CAB39: variants seen among roughly 807,000 people sequenced by gnomAD.
CAB39 encodes calcium binding protein 39.
In CAB39, 8 loss-of-function variants were observed where a neutral mutation model predicts 40.0. The ratio of observed to expected loss-of-function variants is 0.20; its 90% CI spans 0.12 to 0.36. The LOEUF is 0.36. Among genes scored for constraint, CAB39 ranks in the 10% least tolerant of loss-of-function variants. The pLI is 1.00. For synonymous variants in CAB39, 156 were observed against 141.6 expected (o/e 1.10, Z -0.72); for missense variants, 270 against 401.1 (o/e 0.67, Z 2.79).
chr2:230,797,996 G>T (rs1696019646), intron 4 of CAB39, among the ~76,000 whole-genome samples: 1 of 152,180 alleles, frequency 6.6e-6, no homozygotes, highest in South Asian at 2.1e-4. Flanking sequence ...GAAGAGTCCA[G>T]TCAGAGGGCT....
At chr2:230,816,772 C>T (rs914119324) in intron 7 of CAB39, among the ~76,000 whole-genome samples, 2 of 152,182 alleles carry the variant, frequency 1.3e-5, no homozygotes, top group Non-Finnish European at 2.9e-5. Flanking sequence ...GAGAGAGAGG[C>T]ACTGTTCCAT....
In CAB39 at chr2:230,813,899, C is replaced by T. The variant is rs564366529; in HGVS notation, c.628-150C>T. The stretch of plus-strand genomic sequence containing the variant: ...CAGAGGAAGACATGAAAGAGAGTGG[C>T]AGGGGAGCCAGGGCAGCTGTTGGCC... On this transcript the variant is annotated intron_variant, in intron 6 of 8. Transcript: ENST00000258418. 98 of 532,470 alleles carry T rather than the reference C, an allele frequency of 1.8e-4. No homozygotes were observed. The African/African-American group carries it at 1.9e-3, about 10-fold the overall frequency. 33.0% of individuals were successfully genotyped at this position (532,470 alleles called of 1,614,324 possible). A position where few individuals can be genotyped will look rare whatever the true frequency, so the allele number is the denominator to read the frequency against.
chr2:230,750,816 C>T (rs1457299347), intron 1 of CAB39, among the ~76,000 whole-genome samples: 1 of 152,008 alleles, frequency 6.6e-6, no homozygotes, highest in East Asian at 1.9e-4. Flanking sequence ...ATTCTTATAC[C>T]ATATCGTGAA....
rs186512004 is a variant in CAB39 at position 230,800,634 on chromosome 2, G to A, written c.567+1737G>A. Reference sequence around the variant, plus strand: ...CAAAGAGAGATTCCCCTGTGTGGAAGGACAGCCAGGAGCCTGAGGGTGGCA... The same window carrying A: ...CAAAGAGAGATTCCCCTGTGTGGAAAGACAGCCAGGAGCCTGAGGGTGGCA... On this transcript the variant is annotated intron_variant, in intron 5 of 8. Coordinates refer to ENST00000258418, the MANE Select transcript of CAB39 (RefSeq NM_016289.4). Among the ~76,000 whole-genome samples, 162 of 152,268 alleles carry A rather than the reference G, an allele frequency of 1.1e-3. 1 individual carries two copies. The highest frequency in any genetic ancestry group is 3.5e-3 in the African/African-American group (146 of 41,548).
chr2:230,727,957 G>A (rs1694616219), intron 1 of CAB39, among the ~76,000 whole-genome samples: 1 of 152,180 alleles, frequency 6.6e-6, no homozygotes, highest in Non-Finnish European at 1.5e-5. Flanking sequence ...AACTAGCCCA[G>A]GCCAGGTGTG....
At chr2:230,805,268 G>A (rs889192200) in intron 5 of CAB39, among the ~76,000 whole-genome samples, 2 of 151,918 alleles carry the variant, frequency 1.3e-5, no homozygotes, top group African/African-American at 4.8e-5. Flanking sequence ...CGGGGTGGGG[G>A]AGGGATAGCA....
intron 1 of CAB39, among the ~76,000 whole-genome samples, chr2:230,726,623 AG>A (rs1281122272): frequency 1.3e-5 from 2 of 152,176 alleles, no homozygotes; most frequent in Non-Finnish European, 1.5e-5. Flanking sequence ...GGAAGGAACT[AG>A]GAACTGTTAG....
intron 2 of CAB39, among the ~76,000 whole-genome samples, chr2:230,774,462 G>C (rs79809993): frequency 0.014 from 2,148 of 151,982 alleles, 49 homozygotes; most frequent in African/African-American, 0.048. Flanking sequence ...TTATTTTTAG[G>C]TAACTAGGGG....
chr2:230,801,662 A>G (rs922506116), intron 5 of CAB39, among the ~76,000 whole-genome samples: 1 of 152,092 alleles, frequency 6.6e-6, no homozygotes, highest in African/African-American at 2.4e-5. Flanking sequence ...ACCTGAGGTC[A>G]GGAGTTTGAG....
chr2:230,761,171 A>G (rs1295211603), intron 2 of CAB39, among the ~76,000 whole-genome samples: 2 of 152,084 alleles, frequency 1.3e-5, no homozygotes, highest in South Asian at 2.1e-4. Context: ...CCTTGTATAC[A>G]TAGACTGAAG....
In CAB39 at chr2:230,812,961, G is replaced by A. The variant is rs561751013; in HGVS notation, c.628-1088G>A. Reference sequence around the variant, plus strand: ...AGCAGGCCATAGTTTGCCATCCCTTGCTCTAGACCACAGATGAATGGCTAA... The same window carrying A: ...AGCAGGCCATAGTTTGCCATCCCTTACTCTAGACCACAGATGAATGGCTAA... On this transcript the variant is annotated intron_variant, in intron 6 of 8. Coordinates refer to ENST00000258418, the MANE Select transcript of CAB39 (RefSeq NM_016289.4). 3.3e-5 allele frequency among the ~76,000 whole-genome samples: 5 copies of A among 152,304 alleles called. No homozygotes were observed. The East Asian group carries it at 9.6e-4, about 29-fold the overall frequency.
intron 1 of CAB39, among the ~76,000 whole-genome samples, chr2:230,727,402 T>TGTA (rs1559589592): frequency 3.8e-5 from 4 of 105,458 alleles, no homozygotes; most frequent in Admixed American, 8.8e-5. Context: ...GTGTGTGTAT[T>TGTA]TTTTTTTCTT....
At chr2:230,763,957 A>G (rs1482320656) in intron 2 of CAB39, among the ~76,000 whole-genome samples, 1 of 152,098 alleles carries the variant, frequency 6.6e-6, no homozygotes, top group Non-Finnish European at 1.5e-5. Context: ...CCTTGTCTCT[A>G]CTAAAAATAC....
intron 2 of CAB39, among the ~76,000 whole-genome samples, chr2:230,768,581 G>A (rs1419724014): frequency 6.6e-6 from 1 of 152,198 alleles, no homozygotes; most frequent in African/African-American, 2.4e-5. Context: ...GAGAATTAAA[G>A]GGTTTAATTA....
intron 1 of CAB39, among the ~76,000 whole-genome samples, chr2:230,729,806 A>T (rs1299338438): frequency 6.6e-6 from 1 of 152,160 alleles, no homozygotes; most frequent in Non-Finnish European, 1.5e-5. Context: ...AATAATTGGT[A>T]GCACTTGGCT....
In CAB39 at chr2:230,768,186, A is replaced by G. The variant is rs563745032; in HGVS notation, c.114+8071A>G. Among the ~76,000 whole-genome samples, 7 of 152,350 alleles carry G rather than the reference A, an allele frequency of 4.6e-5. No individual in the cohort carries two copies. The South Asian group carries it at 1.4e-3, about 32-fold the overall frequency. On this transcript the variant is annotated intron_variant, in intron 2 of 8. Coordinates refer to ENST00000258418, the MANE Select transcript of CAB39 (RefSeq NM_016289.4). ...TAATCTTATCTGAATTAGTTAAAACAGATATTGCTAAGACTTATAAGAGTT... is the reference window on the plus strand; with the variant it reads ...TAATCTTATCTGAATTAGTTAAAACGGATATTGCTAAGACTTATAAGAGTT...
At chr2:230,756,132 G>C (rs1177989189) in intron 1 of CAB39, among the ~76,000 whole-genome samples, 1 of 152,214 alleles carries the variant, frequency 6.6e-6, no homozygotes, top group Non-Finnish European at 1.5e-5. Flanking sequence ...ATGATCCTGT[G>C]AAGGAATTAA....
intron 1 of CAB39, among the ~76,000 whole-genome samples, chr2:230,751,760 A>G (rs1026855088): frequency 1.3e-5 from 2 of 152,158 alleles, no homozygotes; most frequent in African/African-American, 2.4e-5. Context: ...TCTGGTCTCC[A>G]TCTGTTCTGG....
chr2:230,748,867 T>A lies in CAB39; in HGVS notation c.-43-11092T>A, dbSNP rs867508189. 6.6e-3 allele frequency among the ~76,000 whole-genome samples: 718 copies of A among 109,528 alleles called. 13 individuals are homozygous for A. Among genetic ancestry groups the A allele is most frequent in the African/African-American group, 0.018 (545 of 30,510 alleles). The allele number at this position is 109,528 out of a possible 152,430, so 71.9% of individuals were successfully genotyped here. A position where few individuals can be genotyped will look rare whatever the true frequency, so the allele number is the denominator to read the frequency against. On this transcript the variant is annotated intron_variant, in intron 1 of 8. Transcript: ENST00000258418. ...ATATATATATATATATATATATATA[T>A]AACAAAATGGTAATTTTTTCCTATC...
Sources: allele counts gnomAD v4.1 joint callset (sites outside exome capture counted in the v4.1 genomes callset), GRCh38; gene constraint gnomAD v4.1.1; transcripts MANE v1.5; gene names NCBI Gene and HGNC (gene_info 2026-07-23, HGNC 2026-07-21).